MYO10: variants seen among roughly 807,000 people sequenced by gnomAD.
MYO10 encodes myosin X, also known as unconventional myosin-X.
A neutral mutation model predicts 257.3 loss-of-function variants in MYO10; 133 were observed. The observed-to-expected ratio is 0.52, with a 90% confidence interval of 0.45 to 0.60. The LOEUF (loss-of-function observed/expected upper bound fraction) is 0.60. Ranked by LOEUF, MYO10 falls within the 20% of genes least tolerant of loss-of-function variation. The pLI is 0.00. For missense variants in MYO10, 2,399 were observed against 2,635.7 expected (o/e 0.91, Z 1.97); for synonymous variants, 1,104 against 1,028.6 (o/e 1.07, Z -1.40).
At chr5:16,685,024 T>C (rs1336913464) in intron 29 of MYO10, among the ~76,000 whole-genome samples, 1 of 151,760 alleles carries the variant, frequency 6.6e-6, no homozygotes, top group Non-Finnish European at 1.5e-5. Context: ...TCAGCCTGGG[T>C]GACAGAGTGA....
At chr5:16,745,636 T>A (rs565475226) in intron 19 of MYO10, among the ~76,000 whole-genome samples, 1 of 152,102 alleles carries the variant, frequency 6.6e-6, no homozygotes, top group Non-Finnish European at 1.5e-5. Context: ...TTCTGCGAGT[T>A]ATGATAGTGC....
At chr5:16,889,949 A>G (rs1745006680) in intron 1 of MYO10, among the ~76,000 whole-genome samples, 1 of 151,796 alleles carries the variant, frequency 6.6e-6, no homozygotes, top group Non-Finnish European at 1.5e-5. Flanking sequence ...AGATTTTCTT[A>G]ATGGAATCCC....
At chr5:16,820,341 C>G (rs17707609) in intron 2 of MYO10, among the ~76,000 whole-genome samples, 23,768 of 152,136 alleles carry the variant, frequency 0.16, 2,051 homozygotes, top group South Asian at 0.27. Context: ...AGAGCTACAA[C>G]CAGACAGGTA....
Position 16,745,902 on chromosome 5 carries a change from A to G in MYO10, c.1929+8926T>C, listed in dbSNP as rs376994285. The stretch of plus-strand genomic sequence containing the variant: ...ACATGCTGAAACTGGGATGTGTCTC[A>G]GACATGCTGTTGTTCTAAGAAAGAG... On this transcript the variant is annotated intron_variant, in intron 19 of 40. Transcript: ENST00000513610. 1.1e-4 allele frequency among the ~76,000 whole-genome samples: 17 copies of G among 152,274 alleles called. No homozygotes were observed. In the South Asian group the frequency reaches 3.5e-3, roughly 32 times the overall value.
At chr5:16,684,333 T>A (rs1490418326) in intron 29 of MYO10, among the ~76,000 whole-genome samples, 1 of 152,132 alleles carries the variant, frequency 6.6e-6, no homozygotes, top group Non-Finnish European at 1.5e-5. Flanking sequence ...ACCTCTGCCT[T>A]CCAGGTTCAA....
intron 4 of MYO10, among the ~76,000 whole-genome samples, chr5:16,792,016 T>C (rs1579995023): frequency 6.6e-6 from 1 of 152,100 alleles, no homozygotes; most frequent in East Asian, 1.9e-4. Flanking sequence ...GTTGTTTCTA[T>C]GGCCCAACAC....
intron 30 of MYO10, among the ~76,000 whole-genome samples, chr5:16,682,807 A>G (rs1247033144): frequency 1.3e-5 from 2 of 152,188 alleles, no homozygotes; most frequent in South Asian, 4.1e-4. Context: ...AAAAAATAAA[A>G]AAAGCCTTTT....
chr5:16,682,133 G>A, intron 30 of MYO10, 120 bp from the exon 31 acceptor site: 1 of 1,174,406 alleles, frequency 8.5e-7, no homozygotes, highest in East Asian at 2.4e-5. Context: ...TACACTGCTA[G>A]GCTATCTGTG....
At chr5:16,919,485 T>G (rs1745921443) in intron 1 of MYO10, among the ~76,000 whole-genome samples, 1 of 152,184 alleles carries the variant, frequency 6.6e-6, no homozygotes, top group African/African-American at 2.4e-5. Context: ...GCTCTATCAT[T>G]TCCCAGCTGT....
intron 22 of MYO10, 31 bp from the exon 23 acceptor site, chr5:16,703,189 A>C: frequency 6.6e-7 from 1 of 1,517,138 alleles, no homozygotes; most frequent in Non-Finnish European, 9.0e-7. Context: ...GAGAATCGGC[A>C]TTGAAGTAAT....
At chr5:16,703,326 A>G (rs1313965329) in intron 22 of MYO10, among the ~76,000 whole-genome samples, 168 bp from the exon 23 acceptor site, 1 of 152,218 alleles carries the variant, frequency 6.6e-6, no homozygotes, top group Non-Finnish European at 1.5e-5. Flanking sequence ...AAAACAAAAC[A>G]GGAGAAAAAC....
At chr5:16,819,215 C>G (rs909304319) in intron 2 of MYO10, among the ~76,000 whole-genome samples, 1 of 152,096 alleles carries the variant, frequency 6.6e-6, no homozygotes, top group Non-Finnish European at 1.5e-5. Flanking sequence ...TTTTTGTTTG[C>G]TCAAGAACCT....
At chr5:16,824,362 T>C (rs1267860336) in intron 2 of MYO10, among the ~76,000 whole-genome samples, 1 of 151,998 alleles carries the variant, frequency 6.6e-6, no homozygotes, top group Non-Finnish European at 1.5e-5. Context: ...TTGTTAGAAT[T>C]TGGGGGAGAG....
chr5:16,669,981 G>A (rs765249321), intron 39 of MYO10, among the ~76,000 whole-genome samples: 2 of 152,138 alleles, frequency 1.3e-5, no homozygotes, highest in East Asian at 3.9e-4. Flanking sequence ...AAAGGAGGCA[G>A]GCAAGATCTG....
At chr5:16,767,287 C>T (rs776281925) in intron 10 of MYO10, among the ~76,000 whole-genome samples, 10 of 150,574 alleles carry the variant, frequency 6.6e-5, no homozygotes, top group Non-Finnish European at 1.0e-4. Flanking sequence ...TCTCTTGCCT[C>T]AGCTTCCCAA....
chr5:16,675,191 TCAGA>T, intron 34 of MYO10, 41 bp from the exon 35 acceptor site: 1 of 1,602,128 alleles, frequency 6.2e-7, no homozygotes, highest in South Asian at 1.1e-5. Flanking sequence ...TCTGAGGGGT[TCAGA>T]ATAGGGCATG....
chr5:16,700,879 G>C (rs1231366998), intron 25 of MYO10, 84 bp downstream of exon 25: 2 of 1,373,210 alleles, frequency 1.5e-6, no homozygotes, highest in Non-Finnish European at 2.0e-6. Context: ...TATCCTACGG[G>C]TATCTTCATT....
At chr5:16,687,351 A>G (rs1471274197) in intron 28 of MYO10, among the ~76,000 whole-genome samples, 1 of 151,272 alleles carries the variant, frequency 6.6e-6, no homozygotes, top group African/African-American at 2.4e-5. Flanking sequence ...ACGAAACAAA[A>G]CATGTCAACT....
At chr5:16,762,791 G>A (rs1192599093) in intron 14 of MYO10, among the ~76,000 whole-genome samples, 154 bp from the exon 15 acceptor site, 1 of 151,956 alleles carries the variant, frequency 6.6e-6, no homozygotes, top group Non-Finnish European at 1.5e-5. Flanking sequence ...GTGAAACCCT[G>A]TTTCTACTAA....
Sources: gnomAD v4.1 joint callset for allele counts (sites outside exome capture counted in the v4.1 genomes callset) on GRCh38, gnomAD v4.1.1 for gene constraint, MANE v1.5 for transcripts, NCBI Gene and HGNC (gene_info 2026-07-23, HGNC 2026-07-21) for gene names.